The following FOCAD variants were observed in gnomAD, a reference collection of about 807,000 sequenced individuals.
FOCAD encodes the protein KIAA1797.
In FOCAD, 198 loss-of-function variants were observed where a neutral mutation model predicts 225.6. That is an observed-to-expected ratio of 0.88 (90% CI 0.78 to 0.99). The LOEUF is 0.99. FOCAD is among the 50% of genes least tolerant of loss of function. The pLI, the probability that FOCAD is intolerant of heterozygous loss-of-function variation, is 0.00. For synonymous variants in FOCAD, 897 were observed against 755.0 expected (o/e 1.19, Z -3.08); for missense variants, 2,713 against 2,123.6 (o/e 1.28, Z -5.46).
chr9:20,880,453 G>A (rs1751743377), intron 19 of FOCAD, among the ~76,000 whole-genome samples: 1 of 152,166 alleles, frequency 6.6e-6, no homozygotes, highest in Non-Finnish European at 1.5e-5. Context: ...ACCCTTTGAT[G>A]TCCTGCCAGT....
intron 22 of FOCAD, among the ~76,000 whole-genome samples, chr9:20,910,318 T>G (rs2383165): frequency 7.3e-6 from 1 of 137,300 alleles, no homozygotes; most frequent in Admixed American, 7.3e-5. Flanking sequence ...CTCTTTGGAA[T>G]TGTGAATGTG....
chr9:20,741,929 A>T (rs1827653229), intron 5 of FOCAD, among the ~76,000 whole-genome samples: 1 of 152,164 alleles, frequency 6.6e-6, no homozygotes, highest in African/African-American at 2.4e-5. Flanking sequence ...AAGCTATTGA[A>T]GTTTTTAATT....
chr9:20,680,483 A>T (rs1822368944), upstream of FOCAD, among the ~76,000 whole-genome samples: 1 of 152,156 alleles, frequency 6.6e-6, no homozygotes, highest in South Asian at 2.1e-4. Flanking sequence ...GCTTGAACCC[A>T]GGAGGTGGAG....
intron 21 of FOCAD, among the ~76,000 whole-genome samples, chr9:20,904,939 G>A (rs568099795): frequency 6.6e-6 from 1 of 152,136 alleles, no homozygotes; most frequent in East Asian, 1.9e-4. Flanking sequence ...TGACTATACA[G>A]TATATTAAAT....
chr9:20,690,765 T>A (rs1488419005), intron 1 of FOCAD, among the ~76,000 whole-genome samples: 1 of 152,078 alleles, frequency 6.6e-6, no homozygotes, highest in Non-Finnish European at 1.5e-5. Flanking sequence ...CTCAGGCTGT[T>A]TTGAACTTCT....
intron 16 of FOCAD, among the ~76,000 whole-genome samples, chr9:20,864,581 T>C (rs1829066556): frequency 6.6e-6 from 1 of 152,084 alleles, no homozygotes; most frequent in Non-Finnish European, 1.5e-5. Context: ...GTTCCCAAAG[T>C]TCTTTATACT....
At chr9:20,783,528 C>T (rs1819614362) in intron 10 of FOCAD, among the ~76,000 whole-genome samples, 1 of 151,908 alleles carries the variant, frequency 6.6e-6, no homozygotes, top group South Asian at 2.1e-4. Context: ...ATTCATCCTT[C>T]AAGACTCAGC....
chr9:20,767,888 G>T (rs1830195047), intron 7 of FOCAD, among the ~76,000 whole-genome samples: 1 of 152,094 alleles, frequency 6.6e-6, no homozygotes, highest in Non-Finnish European at 1.5e-5. Flanking sequence ...TTTTGGACAT[G>T]AAGTCCTTGC....
intron 1 of FOCAD, among the ~76,000 whole-genome samples, chr9:20,694,757 A>G (rs962432571): frequency 2.0e-5 from 3 of 152,192 alleles, no homozygotes; most frequent in African/African-American, 7.2e-5. Context: ...TTTCTTCCCT[A>G]GTAATTGTCT....
chr9:20,913,385 C>T (rs1025988327), intron 23 of FOCAD, among the ~76,000 whole-genome samples: 9 of 152,032 alleles, frequency 5.9e-5, no homozygotes, highest in African/African-American at 9.7e-5. Context: ...GCAACTTTAC[C>T]GTGTCATGGG....
intron 9 of FOCAD, among the ~76,000 whole-genome samples, chr9:20,780,444 TTTTC>T (rs1819253432): frequency 6.6e-6 from 1 of 152,194 alleles, no homozygotes; most frequent in Non-Finnish European, 1.5e-5. Context: ...TTAGCAGACT[TTTTC>T]TTTCTCTCGT....
chr9:20,689,945 A>G (rs112228561), intron 1 of FOCAD, among the ~76,000 whole-genome samples: 7 of 152,314 alleles, frequency 4.6e-5, no homozygotes, highest in South Asian at 2.1e-4. Context: ...AGTGTGGCCT[A>G]TTTGCTTTGA....
In FOCAD at chr9:20,825,689, A is replaced by C. The variant is rs1051007400; in HGVS notation, c.1920+2574A>C. ...AATAAGTAGTGCTTTTTTCACCCTTAGGTTTGAAAATGAACTCTTTCATCT... is the reference window on the plus strand; with the variant it reads ...AATAAGTAGTGCTTTTTTCACCCTTCGGTTTGAAAATGAACTCTTTCATCT... On this transcript the variant is annotated intron_variant, in intron 15 of 43. Transcript: ENST00000338382. Among the ~76,000 whole-genome samples the C allele has an allele frequency of 6.6e-5, 10 of 152,190 alleles. No individual in the cohort carries two copies. The East Asian group carries it at 1.9e-3, about 29-fold the overall frequency.
intron 35 of FOCAD, among the ~76,000 whole-genome samples, chr9:20,956,184 A>G (rs563056218): frequency 3.3e-5 from 5 of 152,318 alleles, no homozygotes; most frequent in Middle Eastern, 3.4e-3. Context: ...TATTACCATG[A>G]GAGGTAATTG....
chr9:20,990,335 G>A lies in FOCAD; in HGVS notation c.5217G>A (p.Leu1739=). ...CTCTCCTTCCCAATAGCATGGCTCT[G>A]CTGCTGCAGAAAGAGCCATGGAAGG... is the stretch of plus-strand genomic sequence containing the variant. ...VLTLLPNSMA[L]LLQKEPWKEQ... The change falls in exon 42 of 44, where the codon CTG becomes CTA. Residue 1739 remains leucine, a synonymous_variant. Transcript: ENST00000338382. 1 of 1,613,960 alleles carries A rather than the reference G, an allele frequency of 6.2e-7. No homozygotes were observed. Among genetic ancestry groups the A allele is most frequent in the Non-Finnish European group, 8.5e-7 (1 of 1,179,972 alleles).
chr9:20,689,147 A>G (rs1441659519), intron 1 of FOCAD, among the ~76,000 whole-genome samples: 1 of 152,170 alleles, frequency 6.6e-6, no homozygotes, highest in African/African-American at 2.4e-5. Flanking sequence ...GCTAAAAGGG[A>G]GATAATGAAA....
intron 29 of FOCAD, among the ~76,000 whole-genome samples, chr9:20,946,293 G>T (rs1837171310): frequency 6.6e-6 from 1 of 152,108 alleles, no homozygotes; most frequent in Non-Finnish European, 1.5e-5. Flanking sequence ...TATCCTGTTT[G>T]GCCTTGGATG....
chr9:20,928,662 A>C (rs1456789604), intron 26 of FOCAD, among the ~76,000 whole-genome samples: 1 of 152,150 alleles, frequency 6.6e-6, no homozygotes, highest in Non-Finnish European at 1.5e-5. Flanking sequence ...TTCTTTTCCC[A>C]TAATTACATG....
At chr9:20,823,741 T>A (rs1824578047) in intron 15 of FOCAD, among the ~76,000 whole-genome samples, 1 of 152,116 alleles carries the variant, frequency 6.6e-6, no homozygotes. Flanking sequence ...TACCCAATTG[T>A]AGTTTTTTAG....
Sources: gnomAD v4.1 joint callset for allele counts (sites outside exome capture counted in the v4.1 genomes callset) on GRCh38, gnomAD v4.1.1 for gene constraint, MANE v1.5 for transcripts, NCBI Gene and HGNC (gene_info 2026-07-23, HGNC 2026-07-21) for gene names.